Variants in PARG observed in about 807,000 individuals in gnomAD.
PARG encodes mitochondrial poly(ADP-ribose) glycohydrolase.
In PARG, 35 loss-of-function variants were observed where a neutral mutation model predicts 113.0. The observed-to-expected ratio is 0.31, with a 90% CI of 0.24 to 0.41. The LOEUF (loss-of-function observed/expected upper bound fraction) is 0.41. Ranked by LOEUF, PARG falls within the 10% of genes least tolerant of loss-of-function variation. The pLI is 1.00. For synonymous variants in PARG, 330 were observed against 409.9 expected, an observed-to-expected ratio of 0.81 and a Z score of 2.36; for missense variants, 797 against 1,169.4, an observed-to-expected ratio of 0.68 and a Z score of 4.64.
chr10:49,826,265 G>A (rs1434929545), intron 16 of PARG, among the ~76,000 whole-genome samples: 2 of 152,214 alleles, frequency 1.3e-5, no homozygotes, highest in Admixed American at 1.3e-4. Context: ...GAGACCAAGA[G>A]AGTGTGATCT....
In PARG at chr10:49,884,315, A is replaced by G. The variant is rs1302299586; in HGVS notation, c.1830+888T>C. The stretch of plus-strand genomic sequence containing the variant: ...ATAAAATACAGGATTCTTTATTTTT[A>G]AAAGTTAAGGCTGGCACAGTGGCTC... On this transcript the variant is annotated intron_variant, in intron 8 of 17. Transcript: ENST00000616448. Among the ~76,000 whole-genome samples the G allele has an allele frequency of 4.2e-3, 645 of 152,354 alleles. 3 individuals are homozygous for G. The highest frequency in any genetic ancestry group is 7.8e-3 in the Non-Finnish European group (528 of 68,026).
At chr10:49,911,721 G>GC (rs201142262) in intron 7 of PARG, among the ~76,000 whole-genome samples, 698 of 152,224 alleles carry the variant, frequency 4.6e-3, no homozygotes, top group East Asian at 0.018. Context: ...ACCAGGGTGG[G>GC]CTTCTGGGCA....
intron 11 of PARG, among the ~76,000 whole-genome samples, chr10:49,865,067 A>G (rs1310554109): frequency 1.3e-5 from 2 of 151,890 alleles, no homozygotes; most frequent in Non-Finnish European, 1.5e-5. Context: ...AATTTTAAAC[A>G]GGACTTTGTT....
intron 7 of PARG, among the ~76,000 whole-genome samples, chr10:49,895,914 GTA>G (rs1848062727): frequency 1.3e-5 from 2 of 152,050 alleles, no homozygotes; most frequent in African/African-American, 4.8e-5. Flanking sequence ...TTTATGGCAA[GTA>G]TATAAAAATA....
At position 49,819,146 on chromosome 10, in the gene PARG, C is replaced by T. The variant is rs551672428; in HGVS notation, c.*194G>A. 11 of 472,636 alleles carry T rather than the reference C, an allele frequency of 2.3e-5. No homozygotes were observed. The highest frequency in any genetic ancestry group is 1.5e-4 in the Admixed American group (4 of 25,992). 29.3% of individuals were successfully genotyped at this position (472,636 alleles called of 1,614,324 possible). On this transcript the variant is annotated 3_prime_UTR_variant, in exon 18 of 18. Transcript: ENST00000616448. ...TAGAAACAAAACATATCTAAGTCCA[C>T]GTGAGTCAGGATGGAGGGAGTTTAG...
In PARG at chr10:49,918,142, G is replaced by T. The variant is rs143754832; in HGVS notation, c.1663-2151C>A. On this transcript the variant is annotated intron_variant, in intron 6 of 17. Coordinates refer to ENST00000616448, the MANE Select transcript of PARG (RefSeq NM_003631.5). ...CAGAAAATGGAATGGACTGCAAAGT[G>T]GGGAGAGGAATCTTTGGGGATGATA... Among the ~76,000 whole-genome samples, 179 of 152,286 alleles carry T rather than the reference G, an allele frequency of 1.2e-3. 1 individual carries two copies. The East Asian group carries it at 0.028, about 24-fold the overall frequency.
At chr10:49,893,537 G>A (rs1554842009) in intron 7 of PARG, among the ~76,000 whole-genome samples, 1 of 152,000 alleles carries the variant, frequency 6.6e-6, no homozygotes, top group African/African-American at 2.4e-5. Context: ...ATTTATGTGA[G>A]ACAGGGTCTC....
At chr10:49,921,263 C>T in intron 6 of PARG, among the ~76,000 whole-genome samples, 1 of 152,126 alleles carries the variant, frequency 6.6e-6, no homozygotes, top group African/African-American at 2.4e-5. Context: ...GTCAGGTGCT[C>T]CTCCCACCTA....
intron 7 of PARG, among the ~76,000 whole-genome samples, chr10:49,891,619 ATATATTTT>A (rs1385765206): frequency 0.027 from 1,163 of 43,872 alleles, 1 homozygote; most frequent in Middle Eastern, 0.043. Flanking sequence ...ATATATATAT[ATATATTTT>A]TTTTTTTTTT....
intron 7 of PARG, among the ~76,000 whole-genome samples, chr10:49,895,842 A>T (rs1270978115): frequency 1.3e-5 from 2 of 152,148 alleles, no homozygotes; most frequent in African/African-American, 4.8e-5. Context: ...TTTTTGTTAA[A>T]TTTATTTCTA....
At chr10:49,937,793 G>A (rs2133001997) in intron 1 of PARG, among the ~76,000 whole-genome samples, 1 of 152,262 alleles carries the variant, frequency 6.6e-6, no homozygotes, top group Non-Finnish European at 1.5e-5. Flanking sequence ...CCTGGGGAAG[G>A]GATGAAGGAG....
At chr10:49,931,884 C>T (rs1203693775) in intron 4 of PARG, among the ~76,000 whole-genome samples, 2 of 152,212 alleles carry the variant, frequency 1.3e-5, no homozygotes, top group Non-Finnish European at 2.9e-5. Flanking sequence ...TTATCTTCAC[C>T]ATCAGCTGAT....
intron 13 of PARG, among the ~76,000 whole-genome samples, chr10:49,846,370 CAT>C (rs1554833330): frequency 8.2e-6 from 1 of 121,242 alleles, no homozygotes; most frequent in Non-Finnish European, 1.7e-5. Flanking sequence ...AGGTGATAGA[CAT>C]GTTTTTTTTT....
chr10:49,831,098 A>C (rs1004080431), intron 16 of PARG, among the ~76,000 whole-genome samples: 4 of 152,204 alleles, frequency 2.6e-5, no homozygotes, highest in Non-Finnish European at 5.9e-5. Context: ...AGGAGGCTGG[A>C]GAATAGAATA....
intron 7 of PARG, among the ~76,000 whole-genome samples, chr10:49,904,613 C>A (rs1372179543): frequency 2.0e-5 from 3 of 151,380 alleles, no homozygotes; most frequent in Non-Finnish European, 4.4e-5. Flanking sequence ...TCTAAAACTG[C>A]TCTAAAAAAA....
intron 7 of PARG, among the ~76,000 whole-genome samples, chr10:49,915,483 T>C (rs1371144997): frequency 6.6e-6 from 1 of 152,118 alleles, no homozygotes; most frequent in Non-Finnish European, 1.5e-5. Context: ...TTTAAACAAA[T>C]GTTTTGTGCC....
intron 7 of PARG, among the ~76,000 whole-genome samples, chr10:49,886,798 A>C (rs192826463): frequency 4.6e-3 from 694 of 152,270 alleles, no homozygotes; most frequent in East Asian, 0.018. Flanking sequence ...CTAATCTTCT[A>C]AAGTGGGACT....
At chr10:49,920,572 G>A (rs1275431928) in intron 6 of PARG, among the ~76,000 whole-genome samples, 3 of 123,806 alleles carry the variant, frequency 2.4e-5, no homozygotes, top group East Asian at 2.3e-4. Context: ...GTATATATAC[G>A]TGTATATATA....
In PARG at chr10:49,843,597, C is replaced by T. The variant is rs1554832775; in HGVS notation, c.2389G>A (p.Glu797Lys). 17 of 1,551,138 alleles carry T rather than the reference C, an allele frequency of 1.1e-5. No individual in the cohort carries two copies. The highest frequency in any genetic ancestry group is 1.5e-5 in the Non-Finnish European group (17 of 1,146,484). The part of the protein sequence containing the change: ...EQYSEYTGYA[E>K]TYRWSRSHED... ...TGGCTCCGGGACCAACGATATGTCTCAGCATAGCCTGTGTATTCACTGTAC... is the reference window on the plus strand; with the variant it reads ...TGGCTCCGGGACCAACGATATGTCTTAGCATAGCCTGTGTATTCACTGTAC... The change falls in exon 14 of 18, where the codon GAG (glutamate) becomes AAG (lysine). Residue 797 changes from glutamate (E) to lysine (K), a missense_variant. Transcript: ENST00000616448.
Sources: gnomAD v4.1 joint callset for allele counts (sites outside exome capture counted in the v4.1 genomes callset) on GRCh38, gnomAD v4.1.1 for gene constraint, MANE v1.5 for transcripts, NCBI Gene and HGNC (gene_info 2026-07-23, HGNC 2026-07-21) for gene names.